The following NBEA variants were observed in gnomAD, a reference collection of about 807,000 sequenced individuals.
NBEA encodes the protein lysosomal-trafficking regulator 2.
Under a neutral mutation model 343.4 loss-of-function variants are expected in NBEA, and 44 were observed. The observed-to-expected ratio is 0.13, with a 90% CI of 0.10 to 0.16. The LOEUF is 0.16. Ranked by LOEUF, NBEA falls within the 10% of genes least tolerant of loss-of-function variation. NBEA has a pLI of 1.00. For missense variants in NBEA, 2,555 were observed against 3,631.3 expected, an observed-to-expected ratio of 0.70 and a Z score of 7.62; for synonymous variants, 1,175 against 1,238.7, an observed-to-expected ratio of 0.95 and a Z score of 1.08.
chr13:35,577,945 CTA>C (rs2153034240), intron 45 of NBEA, among the ~76,000 whole-genome samples: 1 of 152,228 alleles, frequency 6.6e-6, no homozygotes, highest in Admixed American at 6.5e-5. Context: ...GGTATGATTT[CTA>C]TGTTGTCATA....
At chr13:35,666,761 C>T (rs566905057) in intron 56 of NBEA, among the ~76,000 whole-genome samples, 3 of 152,168 alleles carry the variant, frequency 2.0e-5, no homozygotes, top group Admixed American at 6.5e-5. Context: ...GGCAAAAAAA[C>T]CCAGAAACCA....
intron 1 of NBEA, among the ~76,000 whole-genome samples, chr13:34,948,584 T>C (rs1326196552): frequency 6.6e-6 from 1 of 152,174 alleles, no homozygotes; most frequent in Admixed American, 6.5e-5. Flanking sequence ...TTGTCACTTG[T>C]AAATAGAAGG....
At chr13:35,354,313 C>T (rs1182543134) in intron 38 of NBEA, among the ~76,000 whole-genome samples, 1 of 152,134 alleles carries the variant, frequency 6.6e-6, no homozygotes, top group Admixed American at 6.5e-5. Context: ...GTAGTCAGGA[C>T]TGTAACATTA....
intron 38 of NBEA, among the ~76,000 whole-genome samples, chr13:35,401,760 T>C (rs2043011789): frequency 1.3e-5 from 2 of 152,064 alleles, no homozygotes; most frequent in Non-Finnish European, 2.9e-5. Flanking sequence ...CATCATTTTA[T>C]GTTCATTATT....
rs562913099 is a variant in NBEA, at chr13:35,645,853, T to C, written c.7618-16T>C. 2.6e-6 allele frequency: 4 copies of C among 1,523,064 alleles called. No homozygotes were observed. The African/African-American group carries it at 5.5e-5, about 21-fold the overall frequency. 94.3% of individuals were successfully genotyped at this position (1,523,064 alleles called of 1,614,324 possible). On this transcript the variant is annotated splice_polypyrimidine_tract_variant and intron_variant, in intron 49 of 58. Coordinates refer to ENST00000379939, the MANE Select transcript of NBEA (RefSeq NM_001385012.1). ...TTGGTAGACTTCATGTCTCATTCTT[T>C]TTTTTCCCCATTAAGATTCCAGAAG... is the stretch of plus-strand genomic sequence containing the variant.
At chr13:35,289,708 G>A (rs2035675650) in intron 34 of NBEA, among the ~76,000 whole-genome samples, 1 of 151,880 alleles carries the variant, frequency 6.6e-6, no homozygotes. Context: ...CACTGTGCCA[G>A]TGTGTTAAAT....
At chr13:34,951,573 A>G (rs890650198) in intron 1 of NBEA, among the ~76,000 whole-genome samples, 1 of 152,218 alleles carries the variant, frequency 6.6e-6, no homozygotes, top group Non-Finnish European at 1.5e-5. Context: ...AGGTACACAC[A>G]GATCATGATC....
chr13:34,948,126 C>T (rs1200835972), intron 1 of NBEA, among the ~76,000 whole-genome samples: 2 of 152,176 alleles, frequency 1.3e-5, no homozygotes, highest in Non-Finnish European at 2.9e-5. Flanking sequence ...GTGGACATCT[C>T]TTGTTTTTGT....
intron 1 of NBEA, among the ~76,000 whole-genome samples, chr13:35,003,548 T>A (rs545773777): frequency 1.9e-4 from 29 of 152,128 alleles, no homozygotes; most frequent in Non-Finnish European, 3.8e-4. Flanking sequence ...GTGCACACAT[T>A]TGATTTTAGG....
intron 35 of NBEA, among the ~76,000 whole-genome samples, chr13:35,293,633 C>T (rs1275212508): frequency 1.3e-5 from 2 of 151,844 alleles, no homozygotes; most frequent in Non-Finnish European, 2.9e-5. Context: ...GATTGAAGTG[C>T]TTATTCTCTA....
chr13:35,395,747 C>T (rs919380185), intron 38 of NBEA, among the ~76,000 whole-genome samples: 2 of 152,088 alleles, frequency 1.3e-5, no homozygotes, highest in Admixed American at 1.3e-4. Context: ...TTAAAATATT[C>T]TAATATGATT....
At chr13:35,021,314 A>G (rs771370293) in intron 1 of NBEA, among the ~76,000 whole-genome samples, 5 of 152,044 alleles carry the variant, frequency 3.3e-5, no homozygotes, top group Admixed American at 6.6e-5. Context: ...CAAGTCTAAA[A>G]TTTTCAGTAT....
chr13:35,535,334 T>A (rs1183515375), intron 41 of NBEA, among the ~76,000 whole-genome samples: 1 of 152,212 alleles, frequency 6.6e-6, no homozygotes, highest in Non-Finnish European at 1.5e-5. Flanking sequence ...TTGTTTTTTA[T>A]GTTAAACTTC....
intron 41 of NBEA, among the ~76,000 whole-genome samples, chr13:35,487,871 T>TA (rs2076359356): frequency 6.6e-6 from 1 of 151,898 alleles, no homozygotes; most frequent in East Asian, 1.9e-4. Context: ...GCCATTCTGG[T>TA]ACATGATTTT....
chr13:35,344,682 T>C (rs1485086326), intron 36 of NBEA, among the ~76,000 whole-genome samples: 1 of 151,976 alleles, frequency 6.6e-6, no homozygotes, highest in Non-Finnish European at 1.5e-5. Context: ...TCCTAGAAAA[T>C]ATACAGCTTC....
intron 10 of NBEA, among the ~76,000 whole-genome samples, chr13:35,095,129 T>C (rs2152633769): frequency 6.6e-6 from 1 of 151,878 alleles, no homozygotes. Flanking sequence ...AGTTATGAAT[T>C]AGTTGTATCT....
At chr13:35,099,810 T>G (rs1183783295) in intron 11 of NBEA, among the ~76,000 whole-genome samples, 1 of 152,172 alleles carries the variant, frequency 6.6e-6, no homozygotes, top group Non-Finnish European at 1.5e-5. Context: ...TTATGATGAG[T>G]GCTGAATTTC....
At chr13:35,095,373 AGGTATTTGT>A (rs1389205482) in intron 10 of NBEA, among the ~76,000 whole-genome samples, 1 of 151,326 alleles carries the variant, frequency 6.6e-6, no homozygotes, top group East Asian at 1.9e-4. Flanking sequence ...AAATATTCTC[AGGTATTTGT>A]GGGCCAAGAC....
intron 36 of NBEA, 142 bp from the exon 37 acceptor site, chr13:35,348,966 C>T (rs2040030688): frequency 2.6e-6 from 1 of 379,606 alleles, no homozygotes; most frequent in Non-Finnish European, 4.7e-6. Flanking sequence ...TTTACTGAAT[C>T]ATAATTTAAA....
Sources: gnomAD v4.1 joint callset for allele counts (sites outside exome capture counted in the v4.1 genomes callset) on GRCh38, gnomAD v4.1.1 for gene constraint, MANE v1.5 for transcripts, NCBI Gene and HGNC (gene_info 2026-07-23, HGNC 2026-07-21) for gene names.